The following GLI2 variants were observed in gnomAD, a reference collection of about 807,000 sequenced individuals.
GLI2 encodes transcription activator GLI2.
In GLI2, 22 loss-of-function variants were observed where a neutral mutation model predicts 78.9. That is an observed-to-expected ratio of 0.28 (90% CI 0.20 to 0.40). GLI2 has a LOEUF of 0.40. Among genes scored for constraint, GLI2 ranks in the 10% least tolerant of loss-of-function variants. The pLI is 1.00. For missense variants in GLI2, 2,097 were observed against 2,213.2 expected (o/e 0.95, Z 1.05); for synonymous variants, 974 against 963.7 (o/e 1.01, Z -0.20).
intron 1 of GLI2, among the ~76,000 whole-genome samples, chr2:120,777,498 C>T (rs1409692418): frequency 2.0e-5 from 3 of 151,542 alleles, no homozygotes; most frequent in Non-Finnish European, 1.5e-5. Flanking sequence ...GCCCACACAG[C>T]CTGGGGAGGA....
Position 120,864,358 on chromosome 2 carries a change from A to G in GLI2, c.149-63003A>G, listed in dbSNP as rs548574984. Reference sequence around the variant, plus strand: ...GGCCAAGGCAGCTCCAGCTGATCCCATCTCCAACCTCTGCCCCTGCAAGTC... The same window carrying G: ...GGCCAAGGCAGCTCCAGCTGATCCCGTCTCCAACCTCTGCCCCTGCAAGTC... On this transcript the variant is annotated intron_variant, in intron 2 of 13. Coordinates refer to ENST00000361492, the MANE Select transcript of GLI2 (RefSeq NM_001374353.1). 1.8e-4 allele frequency among the ~76,000 whole-genome samples: 28 copies of G among 152,104 alleles called. No homozygotes were observed. In the South Asian group the frequency reaches 5.4e-3, roughly 29 times the overall value.
chr2:120,978,288 A>T, intron 9 of GLI2, 146 bp from the exon 10 acceptor site: 5 of 846,218 alleles, frequency 5.9e-6, no homozygotes, highest in Non-Finnish European at 1.0e-5. Context: ...GTCTGAACAT[A>T]ATAGGTGTGG....
intron 1 of GLI2, among the ~76,000 whole-genome samples, chr2:120,775,199 A>C (rs1216716717): frequency 6.6e-6 from 1 of 151,628 alleles, no homozygotes; most frequent in Admixed American, 6.6e-5. Flanking sequence ...GGGCCCGCTC[A>C]GCATTTCAAG....
intron 3 of GLI2, among the ~76,000 whole-genome samples, chr2:120,944,308 G>A (rs1680602607): frequency 6.6e-6 from 1 of 152,206 alleles, no homozygotes; most frequent in Admixed American, 6.5e-5. Flanking sequence ...AGCGGGGTGA[G>A]CACTAATTGA....
At chr2:120,917,953 T>A (rs1013663276) in intron 2 of GLI2, among the ~76,000 whole-genome samples, 1 of 152,160 alleles carries the variant, frequency 6.6e-6, no homozygotes, top group African/African-American at 2.4e-5. Flanking sequence ...TGGGGATTGG[T>A]CATCTGGGAA....
At chr2:120,984,276 C>G (rs1682861598) in intron 11 of GLI2, among the ~76,000 whole-genome samples, 195 bp from the exon 12 acceptor site, 1 of 152,208 alleles carries the variant, frequency 6.6e-6, no homozygotes. Context: ...CAGGTGCAGA[C>G]AAGCCAGGCT....
chr2:120,750,166 C>T (rs900153081), intron 1 of GLI2, among the ~76,000 whole-genome samples: 1 of 152,248 alleles, frequency 6.6e-6, no homozygotes, highest in Non-Finnish European at 1.5e-5. Context: ...GAGCCTCAGC[C>T]CCTCCCACTC....
intron 2 of GLI2, among the ~76,000 whole-genome samples, chr2:120,857,468 C>T: frequency 9.2e-6 from 1 of 108,172 alleles, no homozygotes; most frequent in Non-Finnish European, 1.9e-5. Flanking sequence ...CACCTACCTA[C>T]CCATCTTCCC....
intron 1 of GLI2, among the ~76,000 whole-genome samples, chr2:120,754,240 A>G (rs1246637610): frequency 1.3e-5 from 2 of 152,216 alleles, no homozygotes; most frequent in African/African-American, 2.4e-5. Context: ...ATCCACATCA[A>G]CAGGGAGTGT....
At chr2:120,784,568 C>A (rs920414664) in intron 1 of GLI2, among the ~76,000 whole-genome samples, 5 of 152,088 alleles carry the variant, frequency 3.3e-5, no homozygotes, top group South Asian at 4.1e-4. Context: ...TGTCATTCTG[C>A]AGACAGTGGG....
rs148267805 is a variant in GLI2, at chr2:120,990,255, C to T, written c.4290C>T (p.Tyr1430=). The part of the protein sequence containing the change: ...GGAPDHSMLY[Y]YGQIHMYEQD... Reference sequence around the variant, plus strand: ...CCCCGGACCACAGCATGCTCTACTACTACGGCCAGATCCACATGTACGAAC... The same window carrying T: ...CCCCGGACCACAGCATGCTCTACTATTACGGCCAGATCCACATGTACGAAC... The change falls in exon 14 of 14, where the codon TAC becomes TAT. Residue 1430 remains tyrosine, a synonymous_variant. Transcript: ENST00000361492. 1 of 1,613,654 alleles carries T rather than the reference C, an allele frequency of 6.2e-7. No individual in the cohort carries two copies. Among genetic ancestry groups the T allele is most frequent in the African/African-American group, 1.3e-5 (1 of 74,944 alleles).
chr2:120,790,537 C>G (rs1212616878), intron 1 of GLI2, among the ~76,000 whole-genome samples: 1 of 152,136 alleles, frequency 6.6e-6, no homozygotes, highest in Non-Finnish European at 1.5e-5. Context: ...GGGACCAGCG[C>G]AGGTAGGAGC....
intron 2 of GLI2, among the ~76,000 whole-genome samples, chr2:120,905,960 T>C (rs1199435278): frequency 6.6e-6 from 1 of 151,688 alleles, no homozygotes; most frequent in Non-Finnish European, 1.5e-5. Context: ...GGGCTCCGGT[T>C]ACCTGCGTAG....
In GLI2 at chr2:120,933,840, AGCCCTGCCCT is replaced by A. The variant is rs56996797; in HGVS notation, c.254+6416_254+6425del. 1.8e-3 allele frequency among the ~76,000 whole-genome samples: 242 copies of A among 137,884 alleles called. 1 individual carries two copies. Among genetic ancestry groups the A allele is most frequent in the South Asian group, 0.011 (42 of 3,998 alleles). 90.5% of individuals were successfully genotyped at this position (137,884 alleles called of 152,430 possible). On this transcript the variant is annotated intron_variant, in intron 3 of 13. Coordinates refer to ENST00000361492, the MANE Select transcript of GLI2 (RefSeq NM_001374353.1). The stretch of plus-strand genomic sequence containing the variant: ...CTATGTTGCTTTTGAGGACCTTTCC[AGCCCTGCCCT>A]GCCCTGCCCTGCCCTGCCCTGCCCT...
In GLI2 at chr2:120,735,994, C is replaced by G. The variant is rs1170660927; in HGVS notation, c.-322C>G. 3.3e-5 allele frequency among the ~76,000 whole-genome samples: 5 copies of G among 151,860 alleles called. No homozygotes were observed. The highest frequency in any genetic ancestry group is 7.4e-5 in the Non-Finnish European group (5 of 67,952). ...CGGCGGCGGCGGCTGCGACTGCGAA[C>G]GCGGAGGAAGGCCAGGAGCCGCAGG... On this transcript the variant is annotated 5_prime_UTR_variant, in exon 1 of 14. Transcript: ENST00000361492.
At chr2:120,785,250 G>A (rs947774269) in intron 1 of GLI2, among the ~76,000 whole-genome samples, 2 of 152,154 alleles carry the variant, frequency 1.3e-5, no homozygotes, top group Non-Finnish European at 2.9e-5. Context: ...CCAGGCAGGA[G>A]CGAGGCTTAT....
intron 13 of GLI2, among the ~76,000 whole-genome samples, chr2:120,987,191 T>C (rs1035160821): frequency 3.3e-5 from 5 of 152,152 alleles, no homozygotes; most frequent in African/African-American, 1.2e-4. Flanking sequence ...ATGGAAGGCG[T>C]CTTTAACGAG....
chr2:120,739,298 A>G (rs1284735197), intron 1 of GLI2, among the ~76,000 whole-genome samples: 1 of 152,100 alleles, frequency 6.6e-6, no homozygotes, highest in Non-Finnish European at 1.5e-5. Flanking sequence ...GGGGTACTCC[A>G]CGGGAAAACT....
chr2:120,773,620 A>G (rs928591609), intron 1 of GLI2, among the ~76,000 whole-genome samples: 1 of 152,176 alleles, frequency 6.6e-6, no homozygotes, highest in Non-Finnish European at 1.5e-5. Context: ...GCTTGGGTAC[A>G]GTAGCGGCAC....
Sources: allele counts gnomAD v4.1 joint callset (sites outside exome capture counted in the v4.1 genomes callset), GRCh38; gene constraint gnomAD v4.1.1; transcripts MANE v1.5; gene names NCBI Gene and HGNC (gene_info 2026-07-23, HGNC 2026-07-21).